Variants in WFDC1 observed in about 807,000 individuals in gnomAD.
WFDC1 encodes WAP four-disulfide core domain 1.
WFDC1 carries 39 observed loss-of-function variants against 32.9 expected under a neutral mutation model. The observed-to-expected ratio is 1.19, with a 90% CI of 0.92 to 1.55. The LOEUF is 1.55. WFDC1 is among the 40% of genes most tolerant of loss of function. WFDC1 has a pLI of 0.00. For missense variants in WFDC1, 386 were observed against 309.5 expected, an observed-to-expected ratio of 1.25 and a Z score of -1.85; for synonymous variants, 184 against 137.4, an observed-to-expected ratio of 1.34 and a Z score of -2.37.
chr16:84,312,127 T>A (rs1907669354), intron 1 of WFDC1, among the ~76,000 whole-genome samples: 2 of 152,188 alleles, frequency 1.3e-5, no homozygotes, highest in African/African-American at 4.8e-5. Context: ...ATCGCGCCAC[T>A]GCATTCCAGC....
intron 1 of WFDC1, among the ~76,000 whole-genome samples, chr16:84,308,387 G>A (rs148889513): frequency 1.4e-3 from 207 of 152,280 alleles, no homozygotes; most frequent in African/African-American, 4.8e-3. Context: ...GACTGCGCTC[G>A]GTCCCAGCCA....
intron 4 of WFDC1, among the ~76,000 whole-genome samples, chr16:84,321,194 T>G (rs1266187073): frequency 6.6e-6 from 1 of 152,236 alleles, no homozygotes; most frequent in African/African-American, 2.4e-5. Context: ...CTCATTTGCC[T>G]TTTCTGTAAA....
chr16:84,306,182 C>A (rs1042635964), intron 1 of WFDC1, among the ~76,000 whole-genome samples: 1 of 152,048 alleles, frequency 6.6e-6, no homozygotes, highest in East Asian at 1.9e-4. Flanking sequence ...TTGCAGATGA[C>A]GCTCAGATAC....
intron 1 of WFDC1, chr16:84,297,014 C>T (rs1410081330): frequency 6.6e-6 from 1 of 152,194 alleles, no homozygotes; most frequent in African/African-American, 2.4e-5. Context: ...GTTAGTAGCA[C>T]TTTGGTTCTA....
intron 1 of WFDC1, among the ~76,000 whole-genome samples, chr16:84,308,654 C>G (rs1487814074): frequency 6.6e-6 from 1 of 152,102 alleles, no homozygotes. Flanking sequence ...GGTGTACACT[C>G]CATCCTGAGT....
chr16:84,327,008 G>A (rs746953072), intron 6 of WFDC1, 53 bp downstream of exon 6: 29 of 1,579,832 alleles, frequency 1.8e-5, no homozygotes, highest in Non-Finnish European at 2.3e-5. Context: ...GGCAGCCAGT[G>A]TCCTGGCAGC....
chr16:84,311,695 C>CTTTTTTT (rs67144104), intron 1 of WFDC1, among the ~76,000 whole-genome samples: 1 of 73,446 alleles, frequency 1.4e-5, no homozygotes, highest in Non-Finnish European at 2.3e-5. Flanking sequence ...TGCCTGACTG[C>CTTTTTTT]TTTTTTTTTT....
At chr16:84,321,485 A>G (rs1449932596) in intron 4 of WFDC1, among the ~76,000 whole-genome samples, 2 of 152,226 alleles carry the variant, frequency 1.3e-5, no homozygotes, top group African/African-American at 4.8e-5. Flanking sequence ...GGGCTATGCC[A>G]CCATTTATAA....
rs1306007396 is a variant in WFDC1, at chr16:84,319,432, A to G, written c.423A>G (p.Ala141=). 6.2e-7 allele frequency: 1 copy of G among 1,609,628 alleles called. No individual in the cohort carries two copies. The highest frequency in any genetic ancestry group is 1.1e-5 in the South Asian group (1 of 91,068). Residue 141 remains alanine (A), a splice_region_variant and synonymous_variant, in exon 4 of 7, where the codon GCA becomes GCG. Transcript: ENST00000219454. ...CCCCAGCGTGTGTCCCTCCTGCAGCAGAGGCGTGCAGCACCACGGAGGATG... is the reference window on the plus strand; with the variant it reads ...CCCCAGCGTGTGTCCCTCCTGCAGCGGAGGCGTGCAGCACCACGGAGGATG... ...LLDGPEEVLQ[A]EACSTTEDGA...
At chr16:84,314,005 G>A (rs1023785134) in intron 2 of WFDC1, among the ~76,000 whole-genome samples, 3 of 151,644 alleles carry the variant, frequency 2.0e-5, no homozygotes, top group Non-Finnish European at 2.9e-5. Context: ...TTGTGCCATT[G>A]CACTCCAGCG....
At chr16:84,312,660 A>G (rs549687878) in intron 1 of WFDC1, among the ~76,000 whole-genome samples, 1 of 151,968 alleles carries the variant, frequency 6.6e-6, no homozygotes, top group African/African-American at 2.4e-5. Flanking sequence ...ATTATGTATC[A>G]TCTCTCTCTC....
intron 4 of WFDC1, among the ~76,000 whole-genome samples, chr16:84,322,864 C>A (rs114755409): frequency 0.011 from 1,734 of 152,334 alleles, 41 homozygotes; most frequent in African/African-American, 0.039. Flanking sequence ...CTGGCCCCTC[C>A]TTGTCCTGCC....
intron 1 of WFDC1, among the ~76,000 whole-genome samples, chr16:84,304,034 C>T (rs1364815790): frequency 2.6e-5 from 4 of 152,184 alleles, no homozygotes; most frequent in Non-Finnish European, 5.9e-5. Flanking sequence ...TTTCTAAGGC[C>T]TGCCTGGTGT....
chr16:84,302,426 G>A (rs1004808226), intron 1 of WFDC1, among the ~76,000 whole-genome samples: 3 of 152,068 alleles, frequency 2.0e-5, no homozygotes, highest in Admixed American at 6.6e-5. Context: ...GGCACCTCTC[G>A]GGAATTCTGC....
At chr16:84,319,304 G>A in intron 3 of WFDC1, 127 bp from the exon 4 acceptor site, 1 of 1,357,736 alleles carries the variant, frequency 7.4e-7, no homozygotes, top group Non-Finnish European at 9.9e-7. Context: ...GGGTACAGAG[G>A]CGAGGCCGCC....
At chr16:84,311,453 C>A (rs919749590) in intron 1 of WFDC1, among the ~76,000 whole-genome samples, 9 of 145,680 alleles carry the variant, frequency 6.2e-5, no homozygotes, top group Non-Finnish European at 1.5e-5. Context: ...TGGTCTCGAT[C>A]TCCTGACCTC....
intron 1 of WFDC1, among the ~76,000 whole-genome samples, chr16:84,308,621 G>T (rs918493092): frequency 2.0e-5 from 3 of 152,178 alleles, no homozygotes; most frequent in African/African-American, 7.2e-5. Context: ...CTAGATGCCA[G>T]CCTGAGTGTA....
In WFDC1 at chr16:84,294,952, G is replaced by C; in HGVS notation, c.-20G>C. 8 of 1,606,260 alleles carry C rather than the reference G, an allele frequency of 5.0e-6. No individual in the cohort carries two copies. The highest frequency in any genetic ancestry group is 6.8e-6 in the Non-Finnish European group (8 of 1,175,958). ...GCCCCTCTTCTGTGTGCGTCTGGAAGGTCGCTGCCCAGGGAGGAAATGCCT... is the reference window on the plus strand; with the variant it reads ...GCCCCTCTTCTGTGTGCGTCTGGAACGTCGCTGCCCAGGGAGGAAATGCCT... On this transcript the variant is annotated 5_prime_UTR_variant, in exon 1 of 7. Coordinates refer to ENST00000219454, the MANE Select transcript of WFDC1 (RefSeq NM_021197.4).
intron 4 of WFDC1, among the ~76,000 whole-genome samples, chr16:84,323,292 G>A (rs1295875591): frequency 6.6e-6 from 1 of 152,234 alleles, no homozygotes; most frequent in Non-Finnish European, 1.5e-5. Context: ...AAAAGAAAAT[G>A]TCTGGCTACC....
Sources: allele counts gnomAD v4.1 joint callset (sites outside exome capture counted in the v4.1 genomes callset), GRCh38; gene constraint gnomAD v4.1.1; transcripts MANE v1.5; gene names NCBI Gene and HGNC (gene_info 2026-07-23, HGNC 2026-07-21).